CACNA2D2: variants seen among roughly 807,000 people sequenced by gnomAD.
CACNA2D2 encodes voltage-dependent calcium channel subunit alpha-2/delta-2.
A neutral mutation model predicts 166.4 loss-of-function variants in CACNA2D2; 48 were observed. That is an observed-to-expected ratio of 0.29 (90% CI 0.23 to 0.37). CACNA2D2 has a LOEUF of 0.37. Among genes scored for constraint, CACNA2D2 ranks in the 10% least tolerant of loss-of-function variants. The pLI, the probability that CACNA2D2 is intolerant of heterozygous loss-of-function variation, is 1.00. For synonymous variants in CACNA2D2, 561 were observed against 573.7 expected (o/e 0.98, Z 0.32); for missense variants, 1,122 against 1,433.0 (o/e 0.78, Z 3.50).
intron 16 of CACNA2D2, 59 bp downstream of exon 16, chr3:50,377,673 G>A (rs1705061179): frequency 6.4e-7 from 1 of 1,573,278 alleles, no homozygotes. Flanking sequence ...CAGACCTGCT[G>A]TGGGCATGCC....
intron 4 of CACNA2D2, among the ~76,000 whole-genome samples, chr3:50,390,832 G>C (rs1158092899): frequency 6.6e-6 from 1 of 152,342 alleles, no homozygotes; most frequent in East Asian, 1.9e-4. Flanking sequence ...GTGAGCGGGG[G>C]AAGGACAGTT....
At position 50,476,130 on chromosome 3, in the gene CACNA2D2, C is replaced by A; in HGVS notation, c.276G>T (p.Gln92His). 1 of 1,601,342 alleles carries A rather than the reference C, an allele frequency of 6.2e-7. No homozygotes were observed. The highest frequency in any genetic ancestry group is 1.7e-5 in the Admixed American group (1 of 59,032). The change falls in exon 2 of 38, where the codon CAG (glutamine) becomes CAT (histidine). Residue 92 changes from glutamine to histidine, a missense_variant. By Grantham distance (24) the Gln-to-His change is conservative. Coordinates refer to ENST00000424201, the MANE Select transcript of CACNA2D2 (RefSeq NM_006030.4). The stretch of plus-strand genomic sequence containing the variant: ...GCACCGGGCTCACCTCACGGAGCTG[C>A]TGGACGCCTCCAAAAATCCGCATCA... ...DGVMRIFGGVQQLREIYKDNR... is the reference protein window; with the variant it reads ...DGVMRIFGGVHQLREIYKDNR...
intron 2 of CACNA2D2, among the ~76,000 whole-genome samples, chr3:50,454,182 C>T (rs1352349720): frequency 1.3e-5 from 2 of 152,214 alleles, no homozygotes; most frequent in East Asian, 1.9e-4. Flanking sequence ...AGCCAGGCTC[C>T]GGAAGCCTCC....
intron 4 of CACNA2D2, among the ~76,000 whole-genome samples, chr3:50,389,489 G>A (rs897928275): frequency 1.3e-5 from 2 of 152,188 alleles, no homozygotes; most frequent in African/African-American, 2.4e-5. Context: ...CACTTTTTAG[G>A]CAAACCTTCC....
chr3:50,381,563 G>C (rs1478032953), intron 6 of CACNA2D2, among the ~76,000 whole-genome samples: 1 of 139,890 alleles, frequency 7.1e-6, no homozygotes, highest in African/African-American at 2.6e-5. Context: ...GATGGGGCTG[G>C]AATTATTCAG....
intron 1 of CACNA2D2, among the ~76,000 whole-genome samples, chr3:50,497,947 A>G (rs564032512): frequency 2.0e-5 from 3 of 152,332 alleles, no homozygotes; most frequent in Non-Finnish European, 2.9e-5. Context: ...AAAAAACCTG[A>G]CATGAAGAGA....
At chr3:50,420,293 C>A (rs1707487171) in intron 3 of CACNA2D2, among the ~76,000 whole-genome samples, 1 of 152,220 alleles carries the variant, frequency 6.6e-6, no homozygotes, top group South Asian at 2.1e-4. Flanking sequence ...CCCTGCCCGG[C>A]TGGGGTCCAT....
chr3:50,405,296 C>T (rs1359866900), intron 3 of CACNA2D2, among the ~76,000 whole-genome samples: 4 of 140,782 alleles, frequency 2.8e-5, no homozygotes, highest in African/African-American at 8.3e-5. Flanking sequence ...GGGGAAGGGA[C>T]GTGGAATGGA....
chr3:50,458,376 A>AC (rs1427870541), intron 2 of CACNA2D2, among the ~76,000 whole-genome samples: 1 of 151,876 alleles, frequency 6.6e-6, no homozygotes, highest in South Asian at 2.1e-4. Flanking sequence ...TGCCCAACAC[A>AC]CCCCCATGTA....
chr3:50,365,200 A>C lies in CACNA2D2; in HGVS notation c.3099-16T>G. On this transcript the variant is annotated splice_polypyrimidine_tract_variant and intron_variant, in intron 35 of 37. Transcript: ENST00000424201. The surrounding 1 kb of genome is among the most constrained non-coding windows in gnomAD (Gnocchi z 4.5). ...GTGGAACAGCCTGCGGGCAGCCCGG[A>C]AAGGCGGGGCGTTGAGTTTGCCCCG... The C allele has an allele frequency of 6.2e-7, 1 of 1,611,158 alleles. No homozygotes were observed. Among genetic ancestry groups the C allele is most frequent in the Non-Finnish European group, 8.5e-7 (1 of 1,179,212 alleles).
rs531624312 is a variant in CACNA2D2, at chr3:50,486,429, G to A, written c.207-10230C>T. On this transcript the variant is annotated intron_variant, in intron 1 of 37. Transcript: ENST00000424201. ...ACCCCCCAGCATGAGTCAAATCCTC[G>A]CTAAGCCACAAATAGCTGTCCTCTG... Among the ~76,000 whole-genome samples, 16 of 150,702 alleles carry A rather than the reference G, an allele frequency of 1.1e-4. No individual in the cohort carries two copies. In the South Asian group the frequency reaches 2.3e-3, roughly 22 times the overall value.
At position 50,365,255 on chromosome 3, in the gene CACNA2D2, C is replaced by T; in HGVS notation, c.3099-71G>A. 8.9e-6 allele frequency: 14 copies of T among 1,566,948 alleles called. No homozygotes were observed. The highest frequency in any genetic ancestry group is 1.1e-5 in the Non-Finnish European group (13 of 1,155,220). On this transcript the variant is annotated intron_variant, in intron 35 of 37. Coordinates refer to ENST00000424201, the MANE Select transcript of CACNA2D2 (RefSeq NM_006030.4). This position sits in a 1 kb window ranked among gnomAD's most constrained non-coding sequence, Gnocchi z 4.5. Reference sequence around the variant, plus strand: ...GACCCACCCCCATCCTGCGGCCCCGCCCCCGGCCGCTCGGAGGCCCCGCCC... The same window carrying T: ...GACCCACCCCCATCCTGCGGCCCCGTCCCCGGCCGCTCGGAGGCCCCGCCC...
rs1704123503 is a variant in CACNA2D2 at position 50,364,717 on chromosome 3, C to T, written c.3381G>A (p.Leu1127=). The change falls in exon 38 of 38, where the codon CTG becomes CTA. Residue 1127 remains leucine (L), a synonymous_variant. Coordinates refer to ENST00000424201, the MANE Select transcript of CACNA2D2 (RefSeq NM_006030.4). ...VSLQLLLLLG[L]PPRPQPQVLV... is the part of the protein sequence containing the mutation. ...GGACTTGAGGCTGCGGCCGGGGCGG[C>T]AGGCCCAGGAGGAGCAGCAGTTGCA... 1 of 1,548,588 alleles carries T rather than the reference C, an allele frequency of 6.5e-7. No individual in the cohort carries two copies. The highest frequency in any genetic ancestry group is 8.7e-7 in the Non-Finnish European group (1 of 1,146,618).
intron 4 of CACNA2D2, among the ~76,000 whole-genome samples, chr3:50,392,179 C>G (rs1273772064): frequency 6.6e-6 from 1 of 152,146 alleles, no homozygotes; most frequent in Non-Finnish European, 1.5e-5. Context: ...AGGGACAAAA[C>G]AGCATCCCTT....
intron 3 of CACNA2D2, among the ~76,000 whole-genome samples, chr3:50,410,967 G>A (rs186339763): frequency 6.0e-4 from 91 of 152,348 alleles, no homozygotes; most frequent in African/African-American, 2.1e-3. Context: ...AGGCACACGT[G>A]CATATGGTGT....
rs984102690 is a variant in CACNA2D2, at chr3:50,379,017, C to T, written c.1261-24G>A. 1.9e-6 allele frequency: 3 copies of T among 1,613,906 alleles called. No homozygotes were observed. The highest frequency in any genetic ancestry group is 2.5e-6 in the Non-Finnish European group (3 of 1,180,008). The stretch of plus-strand genomic sequence containing the variant: ...ACCTGTGGGGGGTTTGAGGTTACTG[C>T]TGTGGCCACCAGGGGACAGCCCTCT... On this transcript the variant is annotated intron_variant, in intron 12 of 37. Transcript: ENST00000424201. The surrounding 1 kb of genome is among the most constrained non-coding windows in gnomAD (Gnocchi z 6.5).
At chr3:50,414,728 A>G (rs533738372) in intron 3 of CACNA2D2, among the ~76,000 whole-genome samples, 5 of 152,254 alleles carry the variant, frequency 3.3e-5, no homozygotes, top group Admixed American at 6.5e-5. Flanking sequence ...AATAAACTCC[A>G]ACATCTGTCA....
chr3:50,419,041 G>A (rs1461752746), intron 3 of CACNA2D2, among the ~76,000 whole-genome samples: 2 of 152,146 alleles, frequency 1.3e-5, no homozygotes, highest in African/African-American at 2.4e-5. Flanking sequence ...GGAGGTGAGA[G>A]GAACATGGGG....
chr3:50,490,986 T>C (rs1413267541), intron 1 of CACNA2D2, among the ~76,000 whole-genome samples: 2 of 152,196 alleles, frequency 1.3e-5, no homozygotes, highest in Non-Finnish European at 2.9e-5. Flanking sequence ...TGCCTGGGGT[T>C]GGCAGGGCCC....
Sources: gnomAD v4.1 joint callset for allele counts (sites outside exome capture counted in the v4.1 genomes callset) on GRCh38, gnomAD v4.1.1 for gene constraint, Gnocchi (gnomAD v3.1) non-coding constraint, MANE v1.5 for transcripts, NCBI Gene and HGNC (gene_info 2026-07-23, HGNC 2026-07-21) for gene names.